FDX1: variants seen among roughly 807,000 people sequenced by gnomAD.
FDX1 encodes the protein ferredoxin 1.
Under a neutral mutation model 14.9 loss-of-function variants are expected in FDX1, and 9 were observed. The ratio of observed to expected loss-of-function variants is 0.60; its 90% CI spans 0.36 to 1.05. The LOEUF (loss-of-function observed/expected upper bound fraction) is 1.05, where lower values mean the gene tolerates loss of function less well. Among genes scored for constraint, FDX1 ranks in the 50% least tolerant of loss-of-function variants. The pLI is 0.01. For missense variants in FDX1, 204 were observed against 237.2 expected, an observed-to-expected ratio of 0.86 and a Z score of 0.92; for synonymous variants, 92 against 99.4, an observed-to-expected ratio of 0.93 and a Z score of 0.44.
Position 110,443,038 on chromosome 11 carries a change from C to T in FDX1, c.310+7080C>T, listed in dbSNP as rs374971782. On this transcript the variant is annotated intron_variant, in intron 2 of 3. Transcript: ENST00000260270. Reference sequence around the variant, plus strand: ...TCCATGTAAGATGTGACTTGTTCCTCGTTGCCTTCTGCCAGGATTGTGAGG... The same window carrying T: ...TCCATGTAAGATGTGACTTGTTCCTTGTTGCCTTCTGCCAGGATTGTGAGG... 5.9e-5 allele frequency among the ~76,000 whole-genome samples: 9 copies of T among 152,320 alleles called. No individual in the cohort carries two copies. The East Asian group carries it at 9.7e-4, about 16-fold the overall frequency.
chr11:110,435,811 TA>T, intron 1 of FDX1, 22 bp from the exon 2 acceptor site: 1 of 1,565,092 alleles, frequency 6.4e-7, no homozygotes, highest in Non-Finnish European at 8.7e-7. Context: ...CTAAAAATAC[TA>T]AAGGACTGTT....
At position 110,444,724 on chromosome 11, in the gene FDX1, G is replaced by GTATA. The variant is rs1332438783; in HGVS notation, c.310+8783_310+8786dup. On this transcript the variant is annotated intron_variant, in intron 2 of 3. Coordinates refer to ENST00000260270, the MANE Select transcript of FDX1 (RefSeq NM_004109.5). Reference sequence around the variant, plus strand: ...TATATACGTATATATATATATATACGTATATATATATATATATATACACGT... The same window carrying GTATA: ...TATATACGTATATATATATATATACGTATATATATATATATATATATATACACGT... Among the ~76,000 whole-genome samples the GTATA allele has an allele frequency of 1.6e-3, 44 of 27,408 alleles. 3 individuals are homozygous for GTATA. The highest frequency in any genetic ancestry group is 6.4e-3 in the African/African-American group (31 of 4,820). 18.0% of individuals were successfully genotyped at this position (27,408 alleles called of 152,430 possible). A position where few individuals can be genotyped will look rare whatever the true frequency, so the allele number is the denominator to read the frequency against.
Position 110,430,338 on chromosome 11 carries a change from G to C in FDX1, c.185+33G>C, listed in dbSNP as rs950539092. The stretch of plus-strand genomic sequence containing the variant: ...GCCGTGCGGGCGCGATCGCCGGCGC[G>C]GGCCGGGGTCCCCGGTGGGTGGCGC... On this transcript the variant is annotated intron_variant, in intron 1 of 3. Transcript: ENST00000260270. The C allele has an allele frequency of 5.1e-6, 6 of 1,175,704 alleles. No individual in the cohort carries two copies. In the African/African-American group the frequency reaches 8.0e-5, roughly 16 times the overall value. 72.8% of individuals were successfully genotyped at this position (1,175,704 alleles called of 1,614,324 possible).
intron 3 of FDX1, among the ~76,000 whole-genome samples, chr11:110,457,952 T>C (rs953139670): frequency 1.3e-5 from 2 of 152,178 alleles, no homozygotes; most frequent in Admixed American, 6.5e-5. Flanking sequence ...GAGAAACTGG[T>C]GAAATAGTAT....
At chr11:110,453,914 G>A (rs1243072109) in intron 2 of FDX1, among the ~76,000 whole-genome samples, 2 of 152,094 alleles carry the variant, frequency 1.3e-5, no homozygotes, top group Non-Finnish European at 1.5e-5. Flanking sequence ...GTTTCATTCT[G>A]AGTCTTATAG....
chr11:110,444,202 C>A (rs990259475), intron 2 of FDX1, among the ~76,000 whole-genome samples: 4 of 152,086 alleles, frequency 2.6e-5, no homozygotes, highest in African/African-American at 9.7e-5. Flanking sequence ...AAATTTAAAT[C>A]TTTGATCCAT....
intron 3 of FDX1, among the ~76,000 whole-genome samples, chr11:110,458,368 A>G (rs1440977771): frequency 6.6e-6 from 1 of 152,220 alleles, no homozygotes; most frequent in Non-Finnish European, 1.5e-5. Flanking sequence ...TTAAGTACAC[A>G]GCATTTTAGT....
At chr11:110,438,372 G>A (rs1436448188) in intron 2 of FDX1, among the ~76,000 whole-genome samples, 1 of 152,010 alleles carries the variant, frequency 6.6e-6, no homozygotes, top group Non-Finnish European at 1.5e-5. Context: ...TTGCAGAGTG[G>A]AGTATTTTTT....
intron 3 of FDX1, 98 bp from the exon 4 acceptor site, chr11:110,462,256 T>C: frequency 5.0e-6 from 3 of 596,496 alleles, no homozygotes; most frequent in Non-Finnish European, 2.9e-6. Context: ...CCCTGACTGC[T>C]TTGGGTAAGA....
chr11:110,456,399 T>C (rs745641491), intron 2 of FDX1, among the ~76,000 whole-genome samples: 3 of 152,124 alleles, frequency 2.0e-5, no homozygotes, highest in Non-Finnish European at 4.4e-5. Flanking sequence ...TGAAATAATA[T>C]AACGTGAGGG....
intron 2 of FDX1, among the ~76,000 whole-genome samples, chr11:110,451,374 CT>C (rs1437089540): frequency 1.3e-5 from 2 of 152,068 alleles, no homozygotes; most frequent in Non-Finnish European, 2.9e-5. Flanking sequence ...TTTTCTTCTA[CT>C]TTTTTAAAGA....
intron 2 of FDX1, among the ~76,000 whole-genome samples, chr11:110,444,721 T>TATATATATAC (rs1946435686): frequency 1.9e-5 from 1 of 53,052 alleles, no homozygotes; most frequent in African/African-American, 8.9e-5. Flanking sequence ...TATATATATA[T>TATATATATAC]ACGTATATAT....
intron 2 of FDX1, among the ~76,000 whole-genome samples, chr11:110,438,904 TTTTTTTGTTTG>T (rs1170894050): frequency 1.3e-5 from 2 of 152,044 alleles, no homozygotes; most frequent in African/African-American, 2.4e-5. Flanking sequence ...GTTTACTTTG[TTTTTTTGTTTG>T]TTTTTTGAGA....
At chr11:110,441,890 G>T (rs1033479777) in intron 2 of FDX1, among the ~76,000 whole-genome samples, 2 of 152,184 alleles carry the variant, frequency 1.3e-5, no homozygotes, top group Non-Finnish European at 2.9e-5. Context: ...AAGCCTAGGA[G>T]GAAAAAGTGG....
rs561253759 is a variant in FDX1, at chr11:110,458,473, C to T, written c.440+1426C>T. On this transcript the variant is annotated intron_variant, in intron 3 of 3. Transcript: ENST00000260270. ...GGAATGGAAAGAATTTTGCTCAAAGCTAGTAACCACATGTAAACTTATTTT... is the reference window on the plus strand; with the variant it reads ...GGAATGGAAAGAATTTTGCTCAAAGTTAGTAACCACATGTAAACTTATTTT... Among the ~76,000 whole-genome samples, 6 of 152,242 alleles carry T rather than the reference C, an allele frequency of 3.9e-5. No individual in the cohort carries two copies. The South Asian group carries it at 1.2e-3, about 32-fold the overall frequency.
intron 2 of FDX1, among the ~76,000 whole-genome samples, chr11:110,451,900 G>T (rs1946488947): frequency 1.3e-5 from 2 of 152,206 alleles, no homozygotes; most frequent in Admixed American, 1.3e-4. Context: ...TATCACTTGA[G>T]AGATATTTGG....
At chr11:110,433,024 G>A (rs1055201746) in intron 1 of FDX1, among the ~76,000 whole-genome samples, 2 of 152,202 alleles carry the variant, frequency 1.3e-5, no homozygotes, top group African/African-American at 4.8e-5. Context: ...TGCATACATT[G>A]TCAGAACTAT....
At chr11:110,430,377 C>A in intron 1 of FDX1, 72 bp downstream of exon 1, 1 of 1,049,772 alleles carries the variant, frequency 9.5e-7, no homozygotes, top group Non-Finnish European at 1.2e-6. Context: ...GCTCTCTGGG[C>A]CGAGTCTCTG....
chr11:110,433,732 C>T (rs1946346955), intron 1 of FDX1, among the ~76,000 whole-genome samples: 1 of 115,982 alleles, frequency 8.6e-6, no homozygotes, highest in African/African-American at 3.8e-5. Context: ...GAGGAACATT[C>T]TGGTACACAC....
Sources: gnomAD v4.1 joint callset for allele counts (sites outside exome capture counted in the v4.1 genomes callset) on GRCh38, gnomAD v4.1.1 for gene constraint, MANE v1.5 for transcripts, NCBI Gene and HGNC (gene_info 2026-07-23, HGNC 2026-07-21) for gene names.